The following COL20A1 variants were observed in gnomAD, a reference collection of about 807,000 sequenced individuals.
COL20A1 encodes collagen alpha-1(XX) chain.
In COL20A1, 164 loss-of-function variants were observed where a neutral mutation model predicts 152.9. The observed-to-expected ratio is 1.07, with a 90% confidence interval of 0.94 to 1.22. The LOEUF is 1.22. COL20A1 is among the 50% of genes most tolerant of loss of function. COL20A1 has a pLI of 0.00. For missense variants in COL20A1, 1,873 were observed against 1,744.8 expected (o/e 1.07, Z -1.31); for synonymous variants, 864 against 756.0 (o/e 1.14, Z -2.34).
chr20:63,322,214 G>A, intron 27 of COL20A1, 103 bp downstream of exon 27: 1 of 958,294 alleles, frequency 1.0e-6, no homozygotes, highest in Non-Finnish European at 1.5e-6. Context: ...GCTGCACGCA[G>A]CTTCCCTAGG....
intron 15 of COL20A1, 83 bp downstream of exon 15, chr20:63,312,632 T>C: frequency 6.7e-7 from 1 of 1,486,842 alleles, no homozygotes; most frequent in East Asian, 2.3e-5. Flanking sequence ...ATCAAGTGTT[T>C]TGGGAGCCTG....
At position 63,318,060 on chromosome 20, in the gene COL20A1, C is replaced by T. The variant is rs372811716; in HGVS notation, c.2664-998C>T. On this transcript the variant is annotated intron_variant, in intron 21 of 35. Coordinates refer to ENST00000358894, the MANE Select transcript of COL20A1 (RefSeq NM_020882.4). Reference sequence around the variant, plus strand: ...GCAGCCTCCACAGGGTGGCTGTTTCCATGAGTCCCTGTTCTCAAATGAGGG... The same window carrying T: ...GCAGCCTCCACAGGGTGGCTGTTTCTATGAGTCCCTGTTCTCAAATGAGGG... Among the ~76,000 whole-genome samples, 14 of 152,312 alleles carry T rather than the reference C, an allele frequency of 9.2e-5. 1 individual carries two copies. The South Asian group carries it at 1.9e-3, about 20-fold the overall frequency.
chr20:63,315,908 G>T (rs1328015330), intron 20 of COL20A1, among the ~76,000 whole-genome samples: 1 of 152,242 alleles, frequency 6.6e-6, no homozygotes. Context: ...CCTGCTGGCA[G>T]CGCTGATAAG....
intron 21 of COL20A1, among the ~76,000 whole-genome samples, chr20:63,317,853 G>T (rs1282414381): frequency 6.6e-6 from 1 of 152,060 alleles, no homozygotes; most frequent in Non-Finnish European, 1.5e-5. Flanking sequence ...GGCCTCAGGT[G>T]GTGTAGACGC....
At chr20:63,308,837 C>A in intron 8 of COL20A1, 131 bp downstream of exon 8, 1 of 847,916 alleles carries the variant, frequency 1.2e-6, no homozygotes, top group Non-Finnish European at 1.8e-6. Context: ...GAGCTGCACG[C>A]AGAGCCAGGC....
rs1167898661 is a variant in COL20A1, at chr20:63,313,025, C to T, written c.2076+91C>T. ...CTAGGGCTCAGAGCCATATGTGCGC[C>T]CACCCTGTCTCCCAGGGATGCCTCA... On this transcript the variant is annotated intron_variant, in intron 16 of 35. Transcript: ENST00000358894. The surrounding 1 kb of genome is among the most constrained non-coding windows in gnomAD (Gnocchi z 5.9). 6.5e-7 allele frequency: 1 copy of T among 1,542,748 alleles called. No homozygotes were observed. The highest frequency in any genetic ancestry group is 1.4e-5 in the African/African-American group (1 of 72,904).
intron 27 of COL20A1, chr20:63,324,774 G>C (rs1187685475): frequency 6.4e-6 from 1 of 155,320 alleles, no homozygotes; most frequent in Non-Finnish European, 1.4e-5. Flanking sequence ...TGGAACCTCA[G>C]TTTGCTTTGT....
At chr20:63,312,718 G>T in intron 15 of COL20A1, 74 bp from the exon 16 acceptor site, 4 of 1,478,602 alleles carry the variant, frequency 2.7e-6, no homozygotes, top group South Asian at 2.7e-5. Context: ...GGTGCTCCTG[G>T]GTGTGGCTGC....
intron 34 of COL20A1, 103 bp downstream of exon 34, chr20:63,328,601 T>A: frequency 1.8e-6 from 2 of 1,132,748 alleles, no homozygotes; most frequent in Non-Finnish European, 2.5e-6. Flanking sequence ...GCACAGCAGC[T>A]CCTGCTGGAG....
At position 63,311,661 on chromosome 20, in the gene COL20A1, C is replaced by T. The variant is rs1225945697; in HGVS notation, c.1576C>T (p.Leu526=). 4 of 1,609,310 alleles carry T rather than the reference C, an allele frequency of 2.5e-6. No individual in the cohort carries two copies. The highest frequency in any genetic ancestry group is 2.2e-5 in the South Asian group (2 of 90,830). The change falls in exon 13 of 36, where the codon CTG becomes TTG. Residue 526 remains leucine, a synonymous_variant. Coordinates refer to ENST00000358894, the MANE Select transcript of COL20A1 (RefSeq NM_020882.4). This position sits in a 1 kb window ranked among gnomAD's most constrained non-coding sequence, Gnocchi z 4.4. ...GCGGCCCGAGGTGCTGCTGGATGGC[C>T]TGGAACCTGGCAGGGACTATGAGGT... is the stretch of plus-strand genomic sequence containing the variant. ...VGRPEVLLDG[L]EPGRDYEVSV... is the part of the protein sequence containing the mutation.
At chr20:63,320,484 C>G in intron 25 of COL20A1, 116 bp downstream of exon 25, 2 of 1,039,760 alleles carry the variant, frequency 1.9e-6, no homozygotes, top group South Asian at 1.3e-5. Context: ...TGGGAGAGAT[C>G]AGGGAAGGCT....
In COL20A1 at chr20:63,311,303, G is replaced by A. The variant is rs980400259; in HGVS notation, c.1394-91G>A. Reference sequence around the variant, plus strand: ...CCTGTGCACCTGCCAGGCGGTGGCCGTGCCCACCCACTCTGGTGTGAGGGT... The same window carrying A: ...CCTGTGCACCTGCCAGGCGGTGGCCATGCCCACCCACTCTGGTGTGAGGGT... On this transcript the variant is annotated intron_variant, in intron 11 of 35. Transcript: ENST00000358894. This position sits in a 1 kb window ranked among gnomAD's most constrained non-coding sequence, Gnocchi z 4.4. 1.1e-4 allele frequency: 144 copies of A among 1,342,842 alleles called. No homozygotes were observed. The highest frequency in any genetic ancestry group is 7.1e-4 in the South Asian group (49 of 69,326). The allele number at this position is 1,342,842 out of a possible 1,614,324, so 83.2% of individuals were successfully genotyped here. A position where few individuals can be genotyped will look rare whatever the true frequency, so the allele number is the denominator to read the frequency against.
intron 11 of COL20A1, among the ~76,000 whole-genome samples, chr20:63,310,968 G>GT (rs1199476637): frequency 3.9e-5 from 6 of 152,098 alleles, no homozygotes; most frequent in Admixed American, 3.9e-4. Context: ...CATGGCCACA[G>GT]TTCATGTTAG....
chr20:63,297,933 G>A lies in COL20A1; in HGVS notation c.106G>A (p.Val36Met), dbSNP rs767545010. 4.3e-6 allele frequency: 7 copies of A among 1,613,418 alleles called. No individual in the cohort carries two copies. Among genetic ancestry groups the A allele is most frequent in the Non-Finnish European group, 4.2e-6 (5 of 1,179,808 alleles). The part of the protein sequence containing the change: ...VQASGLLRLA[V>M]LPEDRLQMKW... ...AGCAAGCGGTCTCCTGAGGCTGGCT[G>A]TGCTGCCTGAGGACCGGCTGCAGAT... Residue 36 changes from valine (V) to methionine (M), a missense_variant, in exon 3 of 36, where the codon GTG (valine) becomes ATG (methionine). Val to Met is a conservative substitution (Grantham distance 21, BLOSUM62 1). Coordinates refer to ENST00000358894, the MANE Select transcript of COL20A1 (RefSeq NM_020882.4).
At chr20:63,308,855 G>C in intron 8 of COL20A1, 149 bp downstream of exon 8, 1 of 745,004 alleles carries the variant, frequency 1.3e-6, no homozygotes, top group Admixed American at 3.3e-5. Flanking sequence ...GGCACCGCCT[G>C]GCACTCAGAG....
chr20:63,312,684 C>A lies in COL20A1; in HGVS notation c.1934-108C>A, dbSNP rs555741412. The A allele has an allele frequency of 9.3e-4, 1,357 of 1,456,454 alleles. 1 individual carries two copies. Among genetic ancestry groups the A allele is most frequent in the Non-Finnish European group, 1.2e-3 (1,272 of 1,082,324 alleles). 90.2% of individuals were successfully genotyped at this position (1,456,454 alleles called of 1,614,324 possible). A position where few individuals can be genotyped will look rare whatever the true frequency, so the allele number is the denominator to read the frequency against. On this transcript the variant is annotated intron_variant, in intron 15 of 35. Transcript: ENST00000358894. The stretch of plus-strand genomic sequence containing the variant: ...AGCCAGGTGGGGATGGGCACCCGGA[C>A]GGGTGTGATGGATGGGGGTATAGGG...
In COL20A1 at chr20:63,318,988, C is replaced by T. The variant is rs138420668; in HGVS notation, c.2664-70C>T. 1,730 of 1,250,304 alleles carry T rather than the reference C, an allele frequency of 1.4e-3. 21 individuals are homozygous for T. The African/African-American group carries it at 0.023, about 16-fold the overall frequency. 77.5% of individuals were successfully genotyped at this position (1,250,304 alleles called of 1,614,324 possible). On this transcript the variant is annotated intron_variant, in intron 21 of 35. Coordinates refer to ENST00000358894, the MANE Select transcript of COL20A1 (RefSeq NM_020882.4). ...GGCACTGGGGCTGGGGCTGGGCGAG[C>T]GGATCGTTCTGCCAGGTTTGGCTGC...
At chr20:63,294,998 G>A in intron 1 of COL20A1, 100 bp from the exon 2 acceptor site, 2 of 730,860 alleles carry the variant, frequency 2.7e-6, no homozygotes, top group Non-Finnish European at 4.6e-6. Context: ...GTGGGGACAG[G>A]CTGCCTGGCC....
intron 8 of COL20A1, 94 bp from the exon 9 acceptor site, chr20:63,309,239 A>G (rs41306372): frequency 0.058 from 60,340 of 1,040,000 alleles, 2,043 homozygotes; most frequent in South Asian, 0.11. Flanking sequence ...AGGCCTCTTT[A>G]CTCCTGACCC....
Sources: gnomAD v4.1 joint callset for allele counts (sites outside exome capture counted in the v4.1 genomes callset) on GRCh38, gnomAD v4.1.1 for gene constraint, Gnocchi (gnomAD v3.1) non-coding constraint, MANE v1.5 for transcripts, NCBI Gene and HGNC (gene_info 2026-07-23, HGNC 2026-07-21) for gene names.